The following PTTG1IP variants were observed in gnomAD, a reference collection of about 807,000 sequenced individuals.
PTTG1IP encodes the protein PTTG1 interacting protein.
PTTG1IP carries 16 observed loss-of-function variants against 24.4 expected under a neutral mutation model. The observed-to-expected ratio is 0.66, with a 90% CI of 0.44 to 1.00. The LOEUF (loss-of-function observed/expected upper bound fraction) is 1.00. Ranked by LOEUF, PTTG1IP falls within the 50% of genes least tolerant of loss-of-function variation. PTTG1IP has a pLI of 0.00. For synonymous variants in PTTG1IP, 89 were observed against 96.8 expected (o/e 0.92, Z 0.47); for missense variants, 241 against 245.8 (o/e 0.98, Z 0.13).
Position 44,873,642 on chromosome 21 carries a change from G to C in PTTG1IP, c.-26C>G. On this transcript the variant is annotated 5_prime_UTR_variant, in exon 1 of 6. Coordinates refer to ENST00000330938, the MANE Select transcript of PTTG1IP (RefSeq NM_004339.4). Reference sequence around the variant, plus strand: ...GGTCGGCCGGTCGCTCTATCAGTCAGTGGAGCGTTACAACTCCGACTCCAG... The same window carrying C: ...GGTCGGCCGGTCGCTCTATCAGTCACTGGAGCGTTACAACTCCGACTCCAG... 1 of 1,386,050 alleles carries C rather than the reference G, an allele frequency of 7.2e-7. No homozygotes were observed. The highest frequency in any genetic ancestry group is 9.3e-7 in the Non-Finnish European group (1 of 1,070,026). 85.9% of individuals were successfully genotyped at this position (1,386,050 alleles called of 1,614,324 possible). A position where few individuals can be genotyped will look rare whatever the true frequency, so the allele number is the denominator to read the frequency against.
At position 44,855,279 on chromosome 21, in the gene PTTG1IP, G is replaced by A. The variant is rs1392433771; in HGVS notation, c.450-23C>T. ...CTCCTAAAACACAGAGGAACATTAT[G>A]AGCACCAAACGACAGCGCACGGTGG... On this transcript the variant is annotated intron_variant, in intron 4 of 5. Transcript: ENST00000330938. The A allele has an allele frequency of 5.0e-6, 8 of 1,605,436 alleles. No homozygotes were observed. In the Admixed American group the frequency reaches 5.0e-5, roughly 10 times the overall value.
At chr21:44,861,648 T>C (rs1287553167) in intron 2 of PTTG1IP, 1 of 706,136 alleles carries the variant, frequency 1.4e-6, no homozygotes, top group East Asian at 2.7e-5. Flanking sequence ...CACATCTGTG[T>C]GGCTCCCCAC....
chr21:44,859,594 A>C (rs1042422248), intron 3 of PTTG1IP, among the ~76,000 whole-genome samples: 1 of 152,202 alleles, frequency 6.6e-6, no homozygotes, highest in African/African-American at 2.4e-5. Context: ...CAGGTGTTCC[A>C]AAGGGCAAGG....
intron 2 of PTTG1IP, 99 bp downstream of exon 2, chr21:44,865,296 C>G (rs1040226211): frequency 8.3e-7 from 1 of 1,212,110 alleles, no homozygotes; most frequent in African/African-American, 1.5e-5. Flanking sequence ...AACAACAGAG[C>G]CCTCCACACA....
At chr21:44,863,879 G>A (rs1023246382) in intron 2 of PTTG1IP, among the ~76,000 whole-genome samples, 13 of 152,260 alleles carry the variant, frequency 8.5e-5, no homozygotes, top group Admixed American at 4.6e-4. Flanking sequence ...CCTACGCTAC[G>A]GTCTCGTGGA....
intron 2 of PTTG1IP, among the ~76,000 whole-genome samples, chr21:44,864,861 C>G (rs779035045): frequency 6.6e-6 from 1 of 152,226 alleles, no homozygotes; most frequent in Non-Finnish European, 1.5e-5. Context: ...TGCTCCAGAC[C>G]GCTACCCTCT....
chr21:44,855,152 C>G, intron 5 of PTTG1IP, 58 bp downstream of exon 5: 2 of 1,527,028 alleles, frequency 1.3e-6, no homozygotes, highest in East Asian at 2.3e-5. Context: ...TAACGAGGAC[C>G]GAGACAGCGT....
intron 4 of PTTG1IP, 44 bp from the exon 5 acceptor site, chr21:44,855,300 G>A (rs759691192): frequency 6.7e-5 from 106 of 1,572,928 alleles, no homozygotes; most frequent in Non-Finnish European, 6.0e-5. Flanking sequence ...GACAGCGCAC[G>A]GTGGTGTAAC....
intron 1 of PTTG1IP, among the ~76,000 whole-genome samples, chr21:44,872,294 C>T (rs761618181): frequency 2.4e-4 from 36 of 152,218 alleles, no homozygotes; most frequent in Non-Finnish European, 4.3e-4. Flanking sequence ...ACCCTAAGCA[C>T]ACTTGGAGGC....
At position 44,851,411 on chromosome 21, in the gene PTTG1IP, A is replaced by G; in HGVS notation, c.*170T>C. Reference sequence around the variant, plus strand: ...GGGAATAGAAGGTCACCAGTCTGCAAGACGAGAGGACTGTCCTTCAGGGGC... The same window carrying G: ...GGGAATAGAAGGTCACCAGTCTGCAGGACGAGAGGACTGTCCTTCAGGGGC... On this transcript the variant is annotated 3_prime_UTR_variant, in exon 6 of 6. Coordinates refer to ENST00000330938, the MANE Select transcript of PTTG1IP (RefSeq NM_004339.4). The G allele has an allele frequency of 6.4e-7, 1 of 1,574,402 alleles. No homozygotes were observed. The highest frequency in any genetic ancestry group is 1.1e-5 in the South Asian group (1 of 88,562).
In PTTG1IP at chr21:44,865,414, T is replaced by G. The variant is rs2083528138; in HGVS notation, c.149A>C (p.Glu50Ala). The change falls in exon 2 of 6, where the codon GAG becomes GCG. Residue 50 changes from glutamate to alanine, a missense_variant. Physicochemically the swap from Glu to Ala is moderately radical, Grantham distance 107. Coordinates refer to ENST00000330938, the MANE Select transcript of PTTG1IP (RefSeq NM_004339.4). ...ACTTACGGAGACGTTCTTCAGGCAC[T>G]CTTCACAGGTTTTGTTTGTGTTCTG... ...CSQNTNKTCE[E>A]CLKNVSCLWC... is the part of the protein sequence containing the mutation. 3 of 1,614,062 alleles carry G rather than the reference T, an allele frequency of 1.9e-6. No individual in the cohort carries two copies. The highest frequency in any genetic ancestry group is 1.7e-5 in the Admixed American group (1 of 60,004).
chr21:44,855,376 G>A (rs1213782135), intron 4 of PTTG1IP, 120 bp from the exon 5 acceptor site: 6 of 1,039,218 alleles, frequency 5.8e-6, no homozygotes, highest in Non-Finnish European at 8.8e-6. Flanking sequence ...CTTCCCTCCA[G>A]TTCCCAGAGT....
In PTTG1IP at chr21:44,866,587, C is replaced by A. The variant is rs1466240168; in HGVS notation, c.116-1140G>T. On this transcript the variant is annotated intron_variant, in intron 1 of 5. Coordinates refer to ENST00000330938, the MANE Select transcript of PTTG1IP (RefSeq NM_004339.4). ...ACACAGACTGCCTACTCCCCCAATCCCATAACACACATACACACACACAGA... is the reference window on the plus strand; with the variant it reads ...ACACAGACTGCCTACTCCCCCAATCACATAACACACATACACACACACAGA... Among the ~76,000 whole-genome samples the A allele has an allele frequency of 2.1e-4, 26 of 125,280 alleles. 1 individual carries two copies. The highest frequency in any genetic ancestry group is 5.6e-4 in the African/African-American group (19 of 33,992). The allele number at this position is 125,280 out of a possible 152,430, so 82.2% of individuals were successfully genotyped here.
In PTTG1IP at chr21:44,856,357, A is replaced by T. The variant is rs199732063; in HGVS notation, c.285T>A (p.Phe95Leu). 1 of 1,611,424 alleles carries T rather than the reference A, an allele frequency of 6.2e-7. No homozygotes were observed. Among genetic ancestry groups the T allele is most frequent in the African/African-American group, 1.3e-5 (1 of 74,996 alleles). ...SARWGVCWVN[F>L]EALIITMSVV... Reference sequence around the variant, plus strand: ...CCGACATGGTGATGATCAGCGCCTCAAAGTTCACTGGAGATTCAAGCACCT... The same window carrying T: ...CCGACATGGTGATGATCAGCGCCTCTAAGTTCACTGGAGATTCAAGCACCT... Residue 95 changes from phenylalanine to leucine, a missense_variant, in exon 4 of 6, where the codon TTT becomes TTA. Coordinates refer to ENST00000330938, the MANE Select transcript of PTTG1IP (RefSeq NM_004339.4).
chr21:44,860,452 A>G (rs1270498716), intron 3 of PTTG1IP, among the ~76,000 whole-genome samples: 2 of 109,622 alleles, frequency 1.8e-5, no homozygotes, highest in East Asian at 5.4e-4. Context: ...AAATATACAA[A>G]GATACGCACA....
chr21:44,855,071 C>T, intron 5 of PTTG1IP, 139 bp downstream of exon 5: 1 of 836,912 alleles, frequency 1.2e-6, no homozygotes, highest in Non-Finnish European at 1.9e-6. Flanking sequence ...CCGCCAGCTG[C>T]TCCTCTCTGG....
intron 4 of PTTG1IP, among the ~76,000 whole-genome samples, chr21:44,855,697 T>G (rs1392203880): frequency 6.6e-6 from 1 of 152,206 alleles, no homozygotes; most frequent in Non-Finnish European, 1.5e-5. Context: ...GCCGCCAACC[T>G]GACAGTTGGC....
chr21:44,855,100 C>T (rs1488278066), intron 5 of PTTG1IP, 110 bp downstream of exon 5: 11 of 1,186,344 alleles, frequency 9.3e-6, no homozygotes, highest in South Asian at 1.3e-5. Context: ...CCTTCTGTTC[C>T]GATGGGTGAA....
In PTTG1IP at chr21:44,850,064, A is replaced by G. The variant is rs1416881898; in HGVS notation, c.*1517T>C. The G allele has an allele frequency of 6.6e-6, 1 of 152,222 alleles. No homozygotes were observed. Among genetic ancestry groups the G allele is most frequent in the Non-Finnish European group, 1.5e-5 (1 of 68,026 alleles). The allele number at this position is 152,222 out of a possible 1,614,324, so 9.4% of individuals were successfully genotyped here. On this transcript the variant is annotated 3_prime_UTR_variant, in exon 6 of 6. Transcript: ENST00000330938. ...TCAGCCTAGGAATGTTATTCCCGGT[A>G]CAGATGTACACAGTCAAAAAGGCTT...
Sources: allele counts gnomAD v4.1 joint callset (sites outside exome capture counted in the v4.1 genomes callset), GRCh38; gene constraint gnomAD v4.1.1; transcripts MANE v1.5; gene names NCBI Gene and HGNC (gene_info 2026-07-23, HGNC 2026-07-21).